MPP7: variants seen among roughly 807,000 people sequenced by gnomAD.
MPP7 encodes MAGUK p55 scaffold protein 7.
MPP7 carries 60 observed loss-of-function variants against 76.5 expected under a neutral mutation model. That is an observed-to-expected ratio of 0.78 (90% confidence interval 0.64 to 0.97). The LOEUF is 0.97. Among genes scored for constraint, MPP7 ranks in the 50% least tolerant of loss-of-function variants. The pLI is 0.00. For synonymous variants in MPP7, 237 were observed against 244.5 expected, an observed-to-expected ratio of 0.97 and a Z score of 0.29; for missense variants, 641 against 694.0, an observed-to-expected ratio of 0.92 and a Z score of 0.86.
chr10:28,272,044 T>A (rs1205302888), intron 1 of MPP7, among the ~76,000 whole-genome samples: 1 of 152,158 alleles, frequency 6.6e-6, no homozygotes, highest in African/African-American at 2.4e-5. Flanking sequence ...GCCAGCTCAC[T>A]GCAGCTTCTG....
intron 2 of MPP7, among the ~76,000 whole-genome samples, chr10:28,313,857 TTTTTTTTTTATTTTTTTTA>T (rs1246813848): frequency 2.6e-5 from 1 of 38,754 alleles, no homozygotes; most frequent in East Asian, 6.7e-4. Context: ...TGGCTAATTT[TTTTTTTTTTATTTTTTTTA>T]TTTTTTTTTG....
intron 1 of MPP7, among the ~76,000 whole-genome samples, chr10:28,272,616 G>T (rs1308310931): frequency 6.6e-6 from 1 of 152,040 alleles, no homozygotes; most frequent in East Asian, 1.9e-4. Context: ...TATAGTTAAT[G>T]ACTCAGTCAA....
chr10:28,193,449 G>GACCTCA (rs1458401778), intron 3 of MPP7, among the ~76,000 whole-genome samples: 1 of 152,110 alleles, frequency 6.6e-6, no homozygotes, highest in African/African-American at 2.4e-5. Context: ...CTGACCTCAT[G>GACCTCA]ATCCGCCCGC....
intron 1 of MPP7, among the ~76,000 whole-genome samples, chr10:28,245,755 C>A (rs968981148): frequency 6.6e-6 from 1 of 151,110 alleles, no homozygotes; most frequent in Non-Finnish European, 1.5e-5. Context: ...GAAAGGGATG[C>A]ATGAACAAAA....
chr10:28,149,859 C>A, intron 4 of MPP7, 123 bp downstream of exon 4: 1 of 565,372 alleles, frequency 1.8e-6, no homozygotes, highest in Non-Finnish European at 3.0e-6. Context: ...CTTTTGGAAA[C>A]ATTTGTAACC....
intron 1 of MPP7, among the ~76,000 whole-genome samples, chr10:28,299,129 G>A (rs1415821888): frequency 3.3e-5 from 5 of 152,156 alleles, no homozygotes; most frequent in African/African-American, 1.2e-4. Flanking sequence ...TTTCTTTCAA[G>A]AACCTTTCCT....
intron 3 of MPP7, among the ~76,000 whole-genome samples, chr10:28,195,125 T>C (rs1269273994): frequency 6.6e-6 from 1 of 152,050 alleles, no homozygotes; most frequent in Non-Finnish European, 1.5e-5. Flanking sequence ...AAATAGCCAA[T>C]AAGCACATGA....
intron 1 of MPP7, among the ~76,000 whole-genome samples, chr10:28,332,239 A>ATGTGTGTGTGTGTG (rs1460669087): frequency 3.1e-5 from 3 of 96,576 alleles, no homozygotes; most frequent in Admixed American, 1.9e-4. Context: ...AGTTTGTCAA[A>ATGTGTGTGTGTGTG]TGTATGCGTG....
intron 3 of MPP7, among the ~76,000 whole-genome samples, chr10:28,151,000 T>C (rs1835866144): frequency 6.6e-6 from 1 of 152,208 alleles, no homozygotes; most frequent in Admixed American, 6.5e-5. Context: ...TTTTTATTTA[T>C]AGTTGAAGAA....
chr10:28,246,206 G>T (rs962162296), intron 1 of MPP7, among the ~76,000 whole-genome samples: 1 of 151,880 alleles, frequency 6.6e-6, no homozygotes, highest in Non-Finnish European at 1.5e-5. Context: ...AGCAGCAAGA[G>T]AAAAATGACT....
intron 3 of MPP7, among the ~76,000 whole-genome samples, chr10:28,180,126 T>C (rs1401393158): frequency 6.6e-6 from 1 of 152,232 alleles, no homozygotes; most frequent in Non-Finnish European, 1.5e-5. Flanking sequence ...TGTATTATAC[T>C]TTGATATTGA....
chr10:28,315,483 G>T (rs1054766421), intron 2 of MPP7, among the ~76,000 whole-genome samples: 4 of 152,036 alleles, frequency 2.6e-5, no homozygotes, highest in African/African-American at 9.7e-5. Flanking sequence ...AGTCTGTGGC[G>T]CACCCTGCCC....
intron 11 of MPP7, among the ~76,000 whole-genome samples, chr10:28,101,015 T>C (rs1043746937): frequency 1.3e-5 from 2 of 152,128 alleles, no homozygotes; most frequent in Non-Finnish European, 2.9e-5. Context: ...TAAAATTGTA[T>C]ATAAAAATAT....
intron 3 of MPP7, among the ~76,000 whole-genome samples, chr10:28,160,362 T>C (rs1836218197): frequency 6.6e-6 from 1 of 152,276 alleles, no homozygotes; most frequent in African/African-American, 2.4e-5. Flanking sequence ...CAACTATTCT[T>C]GATTGTGAGT....
At chr10:28,130,500 C>T (rs1271179519) in intron 6 of MPP7, among the ~76,000 whole-genome samples, 1 of 152,184 alleles carries the variant, frequency 6.6e-6, no homozygotes, top group Non-Finnish European at 1.5e-5. Context: ...ACAGCCTTTC[C>T]TCATGAATCA....
chr10:28,120,234 G>A lies in MPP7; in HGVS notation c.847C>T (p.Pro283Ser), dbSNP rs760675756. 7 of 1,613,972 alleles carry A rather than the reference G, an allele frequency of 4.3e-6. No individual in the cohort carries two copies. Among genetic ancestry groups the A allele is most frequent in the Non-Finnish European group, 5.9e-6 (7 of 1,179,938 alleles). Residue 283 changes from proline (P) to serine (S), a missense_variant, in exon 10 of 17, where the codon CCC becomes TCC. Pro to Ser is a moderately conservative substitution (Grantham distance 74, BLOSUM62 -1). Coordinates refer to ENST00000683449, the MANE Select transcript of MPP7 (RefSeq NM_001318170.2). ...TTTGAGGGGATCAAGCCTGCCCTGG[G>A]GTTGGCATCAGCTTCGTGTTTCGCT... ...WQAKHEADAN[P>S]RAGLIPSKHF...
chr10:28,175,417 G>T (rs1836826760), intron 3 of MPP7, among the ~76,000 whole-genome samples: 1 of 145,042 alleles, frequency 6.9e-6, no homozygotes, highest in South Asian at 2.2e-4. Context: ...GGGAGAGGAG[G>T]GTACATTTTG....
intron 2 of MPP7, among the ~76,000 whole-genome samples, chr10:28,315,695 G>A (rs1219284809): frequency 6.6e-6 from 1 of 152,142 alleles, no homozygotes; most frequent in Non-Finnish European, 1.5e-5. Flanking sequence ...AATCATTTAT[G>A]TAAATACTCC....
Position 28,131,589 on chromosome 10 carries a change from T to C in MPP7, c.418A>G (p.Ile140Val). 6.2e-7 allele frequency: 1 copy of C among 1,603,900 alleles called. No homozygotes were observed. Among genetic ancestry groups the C allele is most frequent in the African/African-American group, 1.3e-5 (1 of 74,714 alleles). The change falls in exon 6 of 17, where the codon ATC (isoleucine) becomes GTC (valine). Residue 140 changes from isoleucine (I) to valine (V), a missense_variant. Physicochemically the swap from Ile to Val is conservative, Grantham distance 29. Coordinates refer to ENST00000683449, the MANE Select transcript of MPP7 (RefSeq NM_001318170.2). ...IDDEEDSVKI[I>V]RLVKNREPLG... The stretch of plus-strand genomic sequence containing the variant: ...GGTTCTCTATTTTTGACCAGACGGA[T>C]TATTTTTACTGAGTCTTCCTCATCG...
Sources: allele counts gnomAD v4.1 joint callset (sites outside exome capture counted in the v4.1 genomes callset), GRCh38; gene constraint gnomAD v4.1.1; transcripts MANE v1.5; gene names NCBI Gene and HGNC (gene_info 2026-07-23, HGNC 2026-07-21).